The following OXCT1 variants were observed in gnomAD, a reference collection of about 807,000 sequenced individuals.
OXCT1 encodes the protein 3-oxoacid CoA-transferase 1, also known as succinyl-CoA:3-ketoacid coenzyme A transferase 1, mitochondrial.
OXCT1 carries 27 observed loss-of-function variants against 69.6 expected under a neutral mutation model. The observed-to-expected ratio is 0.39, with a 90% CI of 0.29 to 0.54. The LOEUF (loss-of-function observed/expected upper bound fraction) is 0.54, where lower values mean the gene tolerates loss of function less well. OXCT1 is among the 20% of genes least tolerant of loss of function. OXCT1 has a pLI of 0.72. For missense variants in OXCT1, 437 were observed against 650.2 expected (o/e 0.67, Z 3.57); for synonymous variants, 202 against 217.8 (o/e 0.93, Z 0.64).
chr5:41,799,425 T>C (rs1244951252), intron 11 of OXCT1, among the ~76,000 whole-genome samples: 2 of 152,212 alleles, frequency 1.3e-5, no homozygotes, highest in Non-Finnish European at 2.9e-5. Flanking sequence ...CTTTGTAAAG[T>C]AGTTTGTAAA....
In OXCT1 at chr5:41,870,180, C is replaced by G; in HGVS notation, c.78+101G>C. ...CGCGCCACGGATGCCAGATCCCAGGCTGGAGAGAGCGGGTAGGGGCAGAGA... is the reference window on the plus strand; with the variant it reads ...CGCGCCACGGATGCCAGATCCCAGGGTGGAGAGAGCGGGTAGGGGCAGAGA... On this transcript the variant is annotated intron_variant, in intron 1 of 16. Transcript: ENST00000196371. This position sits in a 1 kb window ranked among gnomAD's most constrained non-coding sequence, Gnocchi z 4.2. 1.1e-6 allele frequency: 1 copy of G among 934,134 alleles called. No homozygotes were observed. The highest frequency in any genetic ancestry group is 1.7e-6 in the Non-Finnish European group (1 of 578,944). 57.9% of individuals were successfully genotyped at this position (934,134 alleles called of 1,614,324 possible).
intron 9 of OXCT1, among the ~76,000 whole-genome samples, chr5:41,804,899 C>A (rs968163502): frequency 6.6e-6 from 1 of 151,924 alleles, no homozygotes. Context: ...TTATCATATG[C>A]GATCTGTATT....
rs193240592 is a variant in OXCT1 at position 41,796,287 on chromosome 5, A to G, written c.1100-1538T>C. On this transcript the variant is annotated intron_variant, in intron 11 of 16. Transcript: ENST00000196371. ...TATTCAGGAGCTTCAGGGGCCTGGG[A>G]ATAGCTTCTGGTCTCAACCAGGAAG... 1.2e-4 allele frequency among the ~76,000 whole-genome samples: 18 copies of G among 152,318 alleles called. No individual in the cohort carries two copies. In the East Asian group the frequency reaches 2.7e-3, roughly 23 times the overall value.
chr5:41,798,451 G>T (rs1047020817), intron 11 of OXCT1, among the ~76,000 whole-genome samples: 2 of 152,062 alleles, frequency 1.3e-5, no homozygotes, highest in Admixed American at 6.6e-5. Context: ...ATGTTTATCA[G>T]CATCCCTGGC....
chr5:41,845,859 C>G (rs965948765), intron 5 of OXCT1, among the ~76,000 whole-genome samples: 2 of 151,798 alleles, frequency 1.3e-5, no homozygotes, highest in Admixed American at 6.6e-5. Context: ...CTTATTTAGA[C>G]AGTAAAGGAA....
At position 41,762,093 on chromosome 5, in the gene OXCT1, G is replaced by C. The variant is rs1045885944; in HGVS notation, c.1338+18C>G. 1.9e-6 allele frequency: 3 copies of C among 1,561,150 alleles called. No individual in the cohort carries two copies. Among genetic ancestry groups the C allele is most frequent in the Admixed American group, 1.7e-5 (1 of 59,894 alleles). The stretch of plus-strand genomic sequence containing the variant: ...CAAATTTCCAAAAGCAGTATTTGGG[G>C]AGCACAGTACATGTTACCTTTGCAG... On this transcript the variant is annotated intron_variant, in intron 14 of 16. Coordinates refer to ENST00000196371, the MANE Select transcript of OXCT1 (RefSeq NM_000436.4). The surrounding 1 kb of genome is among the most constrained non-coding windows in gnomAD (Gnocchi z 4.0).
intron 4 of OXCT1, among the ~76,000 whole-genome samples, chr5:41,851,895 T>C (rs556905931): frequency 2.6e-5 from 4 of 152,274 alleles, no homozygotes; most frequent in African/African-American, 9.6e-5. Context: ...CTCCCCAAAA[T>C]TCATATGTTG....
chr5:41,738,595 G>C (rs375791928), intron 16 of OXCT1, among the ~76,000 whole-genome samples: 1 of 152,142 alleles, frequency 6.6e-6, no homozygotes, highest in Non-Finnish European at 1.5e-5. Context: ...CCAATCTTAT[G>C]CTGTCTTTGT....
intron 14 of OXCT1, among the ~76,000 whole-genome samples, chr5:41,761,573 AT>A (rs1450052950): frequency 6.6e-6 from 1 of 152,150 alleles, no homozygotes; most frequent in Non-Finnish European, 1.5e-5. Context: ...GCACTCAAAT[AT>A]TTAATGATTT....
intron 7 of OXCT1, among the ~76,000 whole-genome samples, chr5:41,829,294 T>C (rs1035882310): frequency 1.3e-5 from 2 of 152,038 alleles, no homozygotes; most frequent in African/African-American, 2.4e-5. Context: ...TACAGGTTAA[T>C]AAAAACACAA....
At chr5:41,792,574 T>C (rs767151729) in intron 13 of OXCT1, among the ~76,000 whole-genome samples, 4 of 152,200 alleles carry the variant, frequency 2.6e-5, no homozygotes, top group Non-Finnish European at 5.9e-5. Context: ...TGTAATATCC[T>C]ACACAAGTAT....
chr5:41,757,323 A>G (rs1744126503), intron 14 of OXCT1, among the ~76,000 whole-genome samples: 1 of 152,006 alleles, frequency 6.6e-6, no homozygotes, highest in African/African-American at 2.4e-5. Flanking sequence ...AAGCTGCCCC[A>G]TCCCTCAGAT....
chr5:41,757,138 G>GA (rs1744116844), intron 14 of OXCT1, among the ~76,000 whole-genome samples: 2 of 151,888 alleles, frequency 1.3e-5, no homozygotes, highest in East Asian at 1.9e-4. Context: ...ACATTTTGGC[G>GA]AAAAAAATCA....
intron 4 of OXCT1, among the ~76,000 whole-genome samples, chr5:41,853,017 G>A (rs2112448521): frequency 6.6e-6 from 1 of 151,378 alleles, no homozygotes; most frequent in South Asian, 2.1e-4. Flanking sequence ...TTTGCAGTGA[G>A]CCGAGATCAC....
intron 14 of OXCT1, among the ~76,000 whole-genome samples, chr5:41,754,636 G>T (rs763783113): frequency 3.8e-4 from 58 of 151,988 alleles, no homozygotes; most frequent in Non-Finnish European, 6.3e-4. Flanking sequence ...AGAATAAAAG[G>T]AAAGAATGAG....
chr5:41,766,830 A>G (rs1162576241), intron 13 of OXCT1, among the ~76,000 whole-genome samples: 1 of 152,172 alleles, frequency 6.6e-6, no homozygotes. Flanking sequence ...TAATATATAG[A>G]AACAATTTTA....
intron 6 of OXCT1, among the ~76,000 whole-genome samples, chr5:41,841,318 G>A (rs1245909772): frequency 6.6e-6 from 1 of 152,138 alleles, no homozygotes; most frequent in Non-Finnish European, 1.5e-5. Context: ...ATGAGTACAG[G>A]AATAGGAGCA....
intron 7 of OXCT1, among the ~76,000 whole-genome samples, chr5:41,809,767 T>C (rs991919919): frequency 6.6e-6 from 1 of 152,062 alleles, no homozygotes; most frequent in African/African-American, 2.4e-5. Flanking sequence ...CAAAGCTTCA[T>C]TACCAAGGAC....
chr5:41,813,620 G>A (rs1339879136), intron 7 of OXCT1, among the ~76,000 whole-genome samples: 6 of 152,020 alleles, frequency 3.9e-5, no homozygotes, highest in Non-Finnish European at 7.4e-5. Flanking sequence ...TAGTTAAGGG[G>A]CAAGGGTTTG....
Sources: gnomAD v4.1 joint callset for allele counts (sites outside exome capture counted in the v4.1 genomes callset) on GRCh38, gnomAD v4.1.1 for gene constraint, Gnocchi (gnomAD v3.1) non-coding constraint, MANE v1.5 for transcripts, NCBI Gene and HGNC (gene_info 2026-07-23, HGNC 2026-07-21) for gene names.